PPARGC1A: variants seen among roughly 807,000 people sequenced by gnomAD.
The protein encoded by PPARGC1A is peroxisome proliferator-activated receptor gamma coactivator 1-alpha.
In PPARGC1A, 25 loss-of-function variants were observed where a neutral mutation model predicts 88.7. The ratio of observed to expected loss-of-function variants is 0.28; its 90% CI spans 0.21 to 0.39. PPARGC1A has a LOEUF of 0.39. Among genes scored for constraint, PPARGC1A ranks in the 10% least tolerant of loss-of-function variants. The pLI is 1.00. For missense variants in PPARGC1A, 880 were observed against 968.7 expected (o/e 0.91, Z 1.22); for synonymous variants, 363 against 355.6 (o/e 1.02, Z -0.24).
At chr4:24,217,582 C>A in the PPARGC1A span, among the ~76,000 whole-genome samples, 3 of 152,124 alleles carry the variant, frequency 2.0e-5, no homozygotes, top group African/African-American at 7.2e-5. Flanking sequence ...GCAGGCAGAT[C>A]ACCTGAGGTC....
chr4:23,807,743 GTGTGTGTGTGTA>G (rs1198093123), intron 10 of PPARGC1A, among the ~76,000 whole-genome samples: 3 of 148,996 alleles, frequency 2.0e-5, no homozygotes, highest in Non-Finnish European at 2.9e-5. Flanking sequence ...TTTTGTGTGT[GTGTGTGTGTGTA>G]TGTGTGTGTG....
chr4:24,438,115 A>G, the PPARGC1A span, among the ~76,000 whole-genome samples: 1 of 152,120 alleles, frequency 6.6e-6, no homozygotes, highest in Non-Finnish European at 1.5e-5. Context: ...CGCCAGGGAG[A>G]TGGAGAAAGA....
At chr4:24,021,263 C>G in the PPARGC1A span, among the ~76,000 whole-genome samples, 1 of 152,198 alleles carries the variant, frequency 6.6e-6, no homozygotes, top group African/African-American at 2.4e-5. Flanking sequence ...AGGAACATCC[C>G]TCCTCCAGCA....
chr4:24,073,917 T>G, the PPARGC1A span, among the ~76,000 whole-genome samples: 1 of 152,078 alleles, frequency 6.6e-6, no homozygotes, highest in Non-Finnish European at 1.5e-5. Context: ...GGCAGAACTG[T>G]GATGTCTCTG....
the PPARGC1A span, among the ~76,000 whole-genome samples, chr4:24,326,071 T>G: frequency 2.0e-5 from 3 of 152,250 alleles, no homozygotes; most frequent in East Asian, 3.9e-4. Context: ...CTCCTTTGCA[T>G]CCTCCTCTTG....
chr4:24,059,555 C>T, the PPARGC1A span, among the ~76,000 whole-genome samples: 51,976 of 151,996 alleles, frequency 0.34, 9,054 homozygotes, highest in South Asian at 0.41. Context: ...GAGGAACAGC[C>T]ACTGTCTTCA....
At chr4:24,407,029 C>G in the PPARGC1A span, among the ~76,000 whole-genome samples, 1 of 152,120 alleles carries the variant, frequency 6.6e-6, no homozygotes, top group Non-Finnish European at 1.5e-5. Flanking sequence ...TCTTTTTCAG[C>G]TATGGTGGCC....
At chr4:24,370,613 C>T in the PPARGC1A span, among the ~76,000 whole-genome samples, 1 of 152,156 alleles carries the variant, frequency 6.6e-6, no homozygotes, top group African/African-American at 2.4e-5. Context: ...GGATCTCACT[C>T]TGGCCCAAGG....
upstream of PPARGC1A, among the ~76,000 whole-genome samples, chr4:23,907,803 T>G (rs1393215891): frequency 6.6e-6 from 1 of 152,202 alleles, no homozygotes; most frequent in African/African-American, 2.4e-5. Context: ...CTTGGGGCAT[T>G]TTAAAATAAA....
At chr4:24,211,627 C>G in the PPARGC1A span, among the ~76,000 whole-genome samples, 1 of 152,110 alleles carries the variant, frequency 6.6e-6, no homozygotes, top group Non-Finnish European at 1.5e-5. Context: ...ATCTCGAGAT[C>G]TGGAGTGAGA....
chr4:23,858,376 C>A (rs1460066754), intron 2 of PPARGC1A, among the ~76,000 whole-genome samples: 3 of 152,084 alleles, frequency 2.0e-5, no homozygotes, highest in Non-Finnish European at 4.4e-5. Context: ...GAATAAATAA[C>A]CCTGAGGCAG....
the PPARGC1A span, among the ~76,000 whole-genome samples, chr4:24,208,457 C>G: frequency 6.6e-6 from 1 of 152,014 alleles, no homozygotes; most frequent in East Asian, 1.9e-4. Context: ...ATTACCTAGC[C>G]AGGGCCACTA....
the PPARGC1A span, among the ~76,000 whole-genome samples, chr4:24,165,255 G>A: frequency 2.0e-5 from 3 of 151,990 alleles, no homozygotes; most frequent in Admixed American, 6.6e-5. Flanking sequence ...GTGCTTGAAA[G>A]TGCATGAAAT....
the PPARGC1A span, among the ~76,000 whole-genome samples, chr4:23,973,794 T>TG: frequency 6.6e-6 from 1 of 152,044 alleles, no homozygotes; most frequent in African/African-American, 2.4e-5. Context: ...AGAACATCAT[T>TG]GGTAAAGGAC....
the PPARGC1A span, among the ~76,000 whole-genome samples, chr4:24,316,987 A>C: frequency 3.3e-5 from 5 of 152,226 alleles, no homozygotes; most frequent in Non-Finnish European, 5.9e-5. Context: ...TTTGATTCAG[A>C]AAATAAAATA....
At chr4:23,913,267 T>TATATAGAGAGAG in the PPARGC1A span, among the ~76,000 whole-genome samples, 2 of 77,506 alleles carry the variant, frequency 2.6e-5, no homozygotes, top group African/African-American at 1.1e-4. Context: ...TATATATATA[T>TATATAGAGAGAG]AGAGAGAGAG....
the PPARGC1A span, among the ~76,000 whole-genome samples, chr4:24,078,860 T>C: frequency 1.3e-5 from 2 of 152,138 alleles, no homozygotes; most frequent in East Asian, 1.9e-4. Flanking sequence ...AATGTCTTTT[T>C]GTAGGATTTC....
chr4:23,979,952 G>C, the PPARGC1A span, among the ~76,000 whole-genome samples: 1 of 152,014 alleles, frequency 6.6e-6, no homozygotes, highest in East Asian at 1.9e-4. Flanking sequence ...GCTAATCAGG[G>C]TAGATGGCTC....
chr4:24,312,037 T>A, the PPARGC1A span, among the ~76,000 whole-genome samples: 1 of 152,302 alleles, frequency 6.6e-6, no homozygotes, highest in East Asian at 1.9e-4. Flanking sequence ...CCTTCACTCG[T>A]CTCCCGCTTT....
Sources: allele counts gnomAD v4.1 joint callset (sites outside exome capture counted in the v4.1 genomes callset), GRCh38; gene constraint gnomAD v4.1.1; transcripts MANE v1.5; gene names NCBI Gene and HGNC (gene_info 2026-07-23, HGNC 2026-07-21).